The following SLIT3 variants were observed in gnomAD, a reference collection of about 807,000 sequenced individuals.
The protein encoded by SLIT3 is slit homolog 3 protein.
In SLIT3, 68 loss-of-function variants were observed where a neutral mutation model predicts 184.0. The observed-to-expected ratio is 0.37, with a 90% CI of 0.30 to 0.45. The LOEUF is 0.45. Ranked by LOEUF, SLIT3 falls within the 20% of genes least tolerant of loss-of-function variation. SLIT3 has a pLI of 1.00. For synonymous variants in SLIT3, 831 were observed against 828.6 expected, an observed-to-expected ratio of 1.00 and a Z score of -0.05; for missense variants, 1,707 against 2,026.0, an observed-to-expected ratio of 0.84 and a Z score of 3.02.
intron 4 of SLIT3, among the ~76,000 whole-genome samples, chr5:169,035,456 T>TA (rs1329138729): frequency 6.6e-6 from 1 of 152,054 alleles, no homozygotes; most frequent in Non-Finnish European, 1.5e-5. Context: ...GAGACCATCC[T>TA]GGCTCACACG....
chr5:169,002,541 C>T (rs1755756172), intron 4 of SLIT3, among the ~76,000 whole-genome samples: 1 of 151,842 alleles, frequency 6.6e-6, no homozygotes, highest in Non-Finnish European at 1.5e-5. Flanking sequence ...AATGTGATGG[C>T]CACAGGGAGC....
intron 4 of SLIT3, among the ~76,000 whole-genome samples, chr5:168,896,891 G>C (rs1760682930): frequency 6.6e-6 from 1 of 152,308 alleles, no homozygotes; most frequent in South Asian, 2.1e-4. Flanking sequence ...TGCCGGCTCA[G>C]GGCAAGTCAA....
intron 4 of SLIT3, among the ~76,000 whole-genome samples, chr5:169,035,700 A>G (rs1757217897): frequency 6.6e-6 from 1 of 151,982 alleles, no homozygotes; most frequent in Non-Finnish European, 1.5e-5. Flanking sequence ...CAACAAGACT[A>G]CAAAGTGAGT....
chr5:168,723,541 A>G (rs1380127647), intron 21 of SLIT3, among the ~76,000 whole-genome samples: 1 of 152,262 alleles, frequency 6.6e-6, no homozygotes, highest in South Asian at 2.1e-4. Context: ...GATACATATA[A>G]TAACAATCTC....
intron 4 of SLIT3, among the ~76,000 whole-genome samples, chr5:169,142,079 A>AT (rs1761766170): frequency 3.9e-5 from 1 of 25,818 alleles, no homozygotes; most frequent in Non-Finnish European, 6.4e-5. Flanking sequence ...AAATAAAAAT[A>AT]AAAATAAATA....
chr5:169,103,657 C>T (rs965259388), intron 4 of SLIT3, among the ~76,000 whole-genome samples: 2 of 152,238 alleles, frequency 1.3e-5, no homozygotes, highest in Non-Finnish European at 2.9e-5. Flanking sequence ...GGGTCTGCCA[C>T]GTTCCTAGGT....
intron 4 of SLIT3, among the ~76,000 whole-genome samples, chr5:169,138,728 C>T (rs1449107291): frequency 6.6e-6 from 1 of 152,210 alleles, no homozygotes; most frequent in African/African-American, 2.4e-5. Context: ...TGGTTCCACT[C>T]GTGCTATCTC....
intron 8 of SLIT3, among the ~76,000 whole-genome samples, chr5:168,814,121 TGCGGTG>T (rs1757252513): frequency 6.6e-6 from 1 of 152,102 alleles, no homozygotes; most frequent in African/African-American, 2.4e-5. Flanking sequence ...CAGGGCCGGG[TGCGGTG>T]GCTCATGCCT....
At chr5:169,167,178 AAAAACAAAAAC>A (rs1271630401) in intron 4 of SLIT3, among the ~76,000 whole-genome samples, 2 of 135,416 alleles carry the variant, frequency 1.5e-5, no homozygotes, top group Non-Finnish European at 3.2e-5. Context: ...TCTTAAAAAC[AAAAACAAAAAC>A]AAAACAAAAC....
rs548577262 is a variant in SLIT3, at chr5:168,818,558, G to A, written c.630-1095C>T. ...AGTTTTCATCACGTCAGCTTGTCATGTACTTGCATTTCGGATGCACATTTT... is the reference window on the plus strand; with the variant it reads ...AGTTTTCATCACGTCAGCTTGTCATATACTTGCATTTCGGATGCACATTTT... On this transcript the variant is annotated intron_variant, in intron 7 of 35. Transcript: ENST00000519560. Among the ~76,000 whole-genome samples, 3 of 152,330 alleles carry A rather than the reference G, an allele frequency of 2.0e-5. No individual in the cohort carries two copies. The East Asian group carries it at 5.8e-4, about 29-fold the overall frequency.
At chr5:169,261,489 C>G (rs1766174298) in intron 1 of SLIT3, among the ~76,000 whole-genome samples, 1 of 151,806 alleles carries the variant, frequency 6.6e-6, no homozygotes, top group Non-Finnish European at 1.5e-5. Context: ...TTTCCTCCCT[C>G]TCTCTCCTTT....
intron 4 of SLIT3, among the ~76,000 whole-genome samples, chr5:169,172,769 C>A (rs543936024): frequency 1.3e-5 from 2 of 152,046 alleles, no homozygotes; most frequent in Non-Finnish European, 2.9e-5. Context: ...TGTACTAAAC[C>A]CTGCTAATAA....
At chr5:169,035,477 G>A (rs945046760) in intron 4 of SLIT3, among the ~76,000 whole-genome samples, 17 of 151,764 alleles carry the variant, frequency 1.1e-4, no homozygotes, top group African/African-American at 3.4e-4. Flanking sequence ...GTGAAACCAC[G>A]TCTCTACTAA....
intron 4 of SLIT3, among the ~76,000 whole-genome samples, chr5:169,081,186 T>C (rs911393640): frequency 6.6e-6 from 1 of 152,156 alleles, no homozygotes; most frequent in African/African-American, 2.4e-5. Context: ...TTTTCTCAGG[T>C]TGAACTCTGC....
At chr5:168,818,397 G>A (rs1392705182) in intron 7 of SLIT3, among the ~76,000 whole-genome samples, 3 of 152,138 alleles carry the variant, frequency 2.0e-5, no homozygotes, top group Non-Finnish European at 4.4e-5. Flanking sequence ...CTACCAGGGA[G>A]GCAAACTAAG....
chr5:169,240,112 C>T (rs1029583479), intron 3 of SLIT3, among the ~76,000 whole-genome samples: 1 of 151,974 alleles, frequency 6.6e-6, no homozygotes. Context: ...ATTATTCCTG[C>T]TGACAGAGAA....
intron 32 of SLIT3, among the ~76,000 whole-genome samples, chr5:168,680,179 C>T (rs1358562567): frequency 6.6e-6 from 1 of 152,208 alleles, no homozygotes; most frequent in African/African-American, 2.4e-5. Flanking sequence ...GGACTCCAGC[C>T]CATTTTCCCC....
intron 4 of SLIT3, among the ~76,000 whole-genome samples, chr5:168,973,690 T>C (rs1754658426): frequency 6.6e-6 from 1 of 152,234 alleles, no homozygotes; most frequent in African/African-American, 2.4e-5. Flanking sequence ...CAGTTTTCAT[T>C]ACTTCAAAAA....
chr5:169,193,421 C>T, intron 4 of SLIT3, 58 bp downstream of exon 4: 1 of 1,438,994 alleles, frequency 6.9e-7, no homozygotes. Flanking sequence ...ACCACATCCT[C>T]CACATCACCC....
Sources: allele counts gnomAD v4.1 joint callset (sites outside exome capture counted in the v4.1 genomes callset), GRCh38; gene constraint gnomAD v4.1.1; transcripts MANE v1.5; gene names NCBI Gene and HGNC (gene_info 2026-07-23, HGNC 2026-07-21).